DENND1B: variants seen among roughly 807,000 people sequenced by gnomAD.
DENND1B encodes the protein DENN domain containing 1B, also known as DENN domain-containing protein 1B.
In DENND1B, 59 loss-of-function variants were observed where a neutral mutation model predicts 90.1. The ratio of observed to expected loss-of-function variants is 0.65; its 90% CI spans 0.53 to 0.81. DENND1B has a LOEUF of 0.81. Ranked by LOEUF, DENND1B falls within the 40% of genes least tolerant of loss-of-function variation. DENND1B has a pLI of 0.00. For synonymous variants in DENND1B, 337 were observed against 324.6 expected (o/e 1.04, Z -0.41); for missense variants, 862 against 912.6 (o/e 0.94, Z 0.71).
intron 2 of DENND1B, among the ~76,000 whole-genome samples, chr1:197,768,662 T>C (rs962749642): frequency 1.8e-4 from 27 of 152,058 alleles, no homozygotes; most frequent in African/African-American, 6.3e-4. Flanking sequence ...TGGGAGGTTG[T>C]TCTGCCAGGG....
intron 3 of DENND1B, among the ~76,000 whole-genome samples, chr1:197,693,494 A>G (rs1020870666): frequency 6.6e-6 from 1 of 151,646 alleles, no homozygotes; most frequent in African/African-American, 2.4e-5. Context: ...ACCTAACATT[A>G]TGTCTTTAAG....
intron 2 of DENND1B, among the ~76,000 whole-genome samples, chr1:197,748,331 T>C (rs1487976126): frequency 6.6e-6 from 1 of 151,970 alleles, no homozygotes; most frequent in East Asian, 1.9e-4. Context: ...AAACAGATAT[T>C]AGAATTACCA....
At position 197,606,891 on chromosome 1, in the gene DENND1B, T is replaced by C. The variant is rs561848890; in HGVS notation, c.921+182A>G. ...TACAATAAGGAATATGATGTTCCAT[T>C]CAAAATCTCAACTGCTAAAAGGTAA... On this transcript the variant is annotated intron_variant, in intron 13 of 22. Transcript: ENST00000620048. 1.0e-4 allele frequency: 56 copies of C among 551,556 alleles called. No homozygotes were observed. The East Asian group carries it at 1.1e-3, about 11-fold the overall frequency. 34.2% of individuals were successfully genotyped at this position (551,556 alleles called of 1,614,324 possible). A position where few individuals can be genotyped will look rare whatever the true frequency, so the allele number is the denominator to read the frequency against.
intron 2 of DENND1B, among the ~76,000 whole-genome samples, chr1:197,753,518 T>A (rs1238017794): frequency 6.6e-6 from 1 of 151,990 alleles, no homozygotes; most frequent in Non-Finnish European, 1.5e-5. Flanking sequence ...ATATACAACA[T>A]GATAAGTGAT....
At chr1:197,652,352 C>T (rs1653321025) in intron 6 of DENND1B, 37 bp from the exon 7 acceptor site, 2 of 1,536,930 alleles carry the variant, frequency 1.3e-6, no homozygotes, top group East Asian at 4.7e-5. Flanking sequence ...ATAAATAAAA[C>T]ATATACCAAG....
chr1:197,592,295 T>C (rs766293609), intron 14 of DENND1B, among the ~76,000 whole-genome samples: 56 of 152,102 alleles, frequency 3.7e-4, no homozygotes, highest in South Asian at 8.3e-4. Context: ...CTTTAAAATA[T>C]AAAGAGTAAT....
At chr1:197,749,835 T>C (rs904237081) in intron 2 of DENND1B, among the ~76,000 whole-genome samples, 6 of 152,100 alleles carry the variant, frequency 3.9e-5, no homozygotes, top group Non-Finnish European at 5.9e-5. Flanking sequence ...TTTGGGTTTT[T>C]TTGTTGTTGT....
intron 2 of DENND1B, among the ~76,000 whole-genome samples, chr1:197,767,873 C>T (rs553342486): frequency 1.3e-5 from 2 of 152,106 alleles, no homozygotes; most frequent in Non-Finnish European, 2.9e-5. Flanking sequence ...AATATTTCCT[C>T]GCATGATAAA....
chr1:197,540,948 A>C lies in DENND1B; in HGVS notation c.1407+11T>G, dbSNP rs1163247422. The C allele has an allele frequency of 1.2e-6, 2 of 1,605,576 alleles. No individual in the cohort carries two copies. Among genetic ancestry groups the C allele is most frequent in the Non-Finnish European group, 1.7e-6 (2 of 1,176,370 alleles). On this transcript the variant is annotated intron_variant, in intron 19 of 22. Coordinates refer to ENST00000620048, the MANE Select transcript of DENND1B (RefSeq NM_001195215.2). The stretch of plus-strand genomic sequence containing the variant: ...ATCAAGGTAAAATGGAAAAAAATGA[A>C]TATGACATACCTTGTGTTTTAGTTT...
At chr1:197,537,870 TAA>T (rs939105720) in intron 20 of DENND1B, among the ~76,000 whole-genome samples, 1 of 152,014 alleles carries the variant, frequency 6.6e-6, no homozygotes, top group African/African-American at 2.4e-5. Context: ...TTAAAATTGC[TAA>T]GAGAGTAAAT....
At chr1:197,679,756 A>C (rs768859580) in intron 3 of DENND1B, among the ~76,000 whole-genome samples, 3 of 150,726 alleles carry the variant, frequency 2.0e-5, no homozygotes, top group Non-Finnish European at 4.4e-5. Context: ...AAGAAAGAGA[A>C]GTATTTTAAA....
At chr1:197,672,872 C>A (rs1655661656) in intron 4 of DENND1B, among the ~76,000 whole-genome samples, 1 of 151,970 alleles carries the variant, frequency 6.6e-6, no homozygotes, top group Non-Finnish European at 1.5e-5. Flanking sequence ...TAGATTGAAT[C>A]TTTATTTCTA....
Position 197,775,173 on chromosome 1 carries a change from G to A in DENND1B, c.-18C>T, listed in dbSNP as rs1161897704. On this transcript the variant is annotated 5_prime_UTR_variant, in exon 1 of 23. Transcript: ENST00000620048. ...CAGTCCATGGTTACATGTCGGTGTG[G>A]GGCTGTCCGTCCGGCCCCCGCGCGC... The A allele has an allele frequency of 2.3e-6, 3 of 1,284,358 alleles. No individual in the cohort carries two copies. Among genetic ancestry groups the A allele is most frequent in the African/African-American group, 3.1e-5 (2 of 64,328 alleles). 79.6% of individuals were successfully genotyped at this position (1,284,358 alleles called of 1,614,324 possible).
At chr1:197,535,932 CAG>C (rs1189545194) in intron 20 of DENND1B, among the ~76,000 whole-genome samples, 1 of 151,978 alleles carries the variant, frequency 6.6e-6, no homozygotes, top group Non-Finnish European at 1.5e-5. Flanking sequence ...CTGAGAAAAC[CAG>C]TCTACAGAAT....
At chr1:197,537,581 G>A (rs750379722) in intron 20 of DENND1B, among the ~76,000 whole-genome samples, 1 of 151,854 alleles carries the variant, frequency 6.6e-6, no homozygotes, top group South Asian at 2.1e-4. Context: ...CAAAAAAACA[G>A]GTAAGATAAT....
intron 16 of DENND1B, chr1:197,552,291 A>C: frequency 3.1e-6 from 3 of 983,106 alleles, no homozygotes; most frequent in Non-Finnish European, 3.6e-6. Flanking sequence ...AGTACACTTA[A>C]TATTTAGAAC....
chr1:197,662,216 G>A (rs978109945), intron 5 of DENND1B, among the ~76,000 whole-genome samples: 1 of 151,918 alleles, frequency 6.6e-6, no homozygotes, highest in African/African-American at 2.4e-5. Context: ...TCTATTTGGG[G>A]AGTATAACTC....
chr1:197,685,279 C>A (rs1050600799), intron 3 of DENND1B, among the ~76,000 whole-genome samples: 1 of 152,154 alleles, frequency 6.6e-6, no homozygotes, highest in African/African-American at 2.4e-5. Context: ...ACTATTTCAT[C>A]TTAAGCTCAG....
At chr1:197,730,673 G>A (rs1662066434) in intron 2 of DENND1B, among the ~76,000 whole-genome samples, 1 of 151,922 alleles carries the variant, frequency 6.6e-6, no homozygotes, top group African/African-American at 2.4e-5. Flanking sequence ...CTTTTAGACT[G>A]AAAATAGTTT....
Sources: gnomAD v4.1 joint callset for allele counts (sites outside exome capture counted in the v4.1 genomes callset) on GRCh38, gnomAD v4.1.1 for gene constraint, MANE v1.5 for transcripts, NCBI Gene and HGNC (gene_info 2026-07-23, HGNC 2026-07-21) for gene names.